The following RAB2A variants were observed in gnomAD, a reference collection of about 807,000 sequenced individuals.
RAB2A encodes ras-related protein Rab-2A.
A neutral mutation model predicts 32.5 loss-of-function variants in RAB2A; 7 were observed. That is an observed-to-expected ratio of 0.22 (90% CI 0.12 to 0.40). The LOEUF is 0.40. Among genes scored for constraint, RAB2A ranks in the 10% least tolerant of loss-of-function variants. The pLI is 1.00. For synonymous variants in RAB2A, 79 were observed against 85.2 expected (o/e 0.93, Z 0.40); for missense variants, 108 against 260.7 (o/e 0.41, Z 4.03).
chr8:60,529,276 G>T (rs1405036729), intron 1 of RAB2A, among the ~76,000 whole-genome samples: 1 of 152,152 alleles, frequency 6.6e-6, no homozygotes, highest in Non-Finnish European at 1.5e-5. Flanking sequence ...TCTTGTGTGT[G>T]TAGTGAGTTC....
At chr8:60,597,360 G>T (rs191902659) in intron 6 of RAB2A, among the ~76,000 whole-genome samples, 1 of 152,042 alleles carries the variant, frequency 6.6e-6, no homozygotes. Flanking sequence ...ACCAAACACC[G>T]CATGTTCTCA....
chr8:60,605,832 C>CATATATATAT (rs1328541490), intron 6 of RAB2A, among the ~76,000 whole-genome samples: 1,462 of 120,760 alleles, frequency 0.012, 134 homozygotes, highest in African/African-American at 0.046. Context: ...GGGACTAATA[C>CATATATATAT]ATATATACAT....
intron 1 of RAB2A, among the ~76,000 whole-genome samples, chr8:60,530,810 C>G (rs2130810240): frequency 9.4e-6 from 1 of 106,484 alleles, no homozygotes; most frequent in Admixed American, 9.4e-5. Flanking sequence ...GCCCACTTGT[C>G]ATGGGCTTTT....
At chr8:60,561,944 C>T (rs1563470562) in intron 2 of RAB2A, among the ~76,000 whole-genome samples, 1 of 152,192 alleles carries the variant, frequency 6.6e-6, no homozygotes, top group Non-Finnish European at 1.5e-5. Flanking sequence ...GACTCCTGAG[C>T]TCATGATTCT....
At chr8:60,517,329 G>T in intron 1 of RAB2A, 76 bp downstream of exon 1, 1 of 1,321,616 alleles carries the variant, frequency 7.6e-7, no homozygotes, top group Non-Finnish European at 9.9e-7. Context: ...GCGTCTGGCG[G>T]TGGCGGGGAC....
intron 1 of RAB2A, among the ~76,000 whole-genome samples, chr8:60,556,641 TAAAAAA>T (rs11393857): frequency 0.016 from 1,712 of 106,612 alleles, 29 homozygotes; most frequent in African/African-American, 0.052. Flanking sequence ...CTCTTTTTAA[TAAAAAA>T]AAAAAAAAAA....
intron 1 of RAB2A, among the ~76,000 whole-genome samples, chr8:60,541,040 C>T (rs1807636560): frequency 6.6e-6 from 1 of 152,102 alleles, no homozygotes; most frequent in African/African-American, 2.4e-5. Context: ...ACTACCTTAG[C>T]CAGGTTATGA....
chr8:60,541,503 A>G (rs891032744), intron 1 of RAB2A, among the ~76,000 whole-genome samples: 7 of 152,206 alleles, frequency 4.6e-5, no homozygotes, highest in Non-Finnish European at 1.5e-5. Context: ...AGCCTGGCCA[A>G]CATGATGAAA....
intron 6 of RAB2A, among the ~76,000 whole-genome samples, chr8:60,603,577 G>T (rs561570804): frequency 2.0e-5 from 3 of 152,126 alleles, no homozygotes; most frequent in Non-Finnish European, 4.4e-5. Context: ...GAATTATCTC[G>T]TCCAAAATGT....
chr8:60,524,273 C>T (rs1807345667), intron 1 of RAB2A, among the ~76,000 whole-genome samples: 1 of 152,150 alleles, frequency 6.6e-6, no homozygotes, highest in Non-Finnish European at 1.5e-5. Flanking sequence ...TTCAGCTCTC[C>T]TCCTCTTGCA....
chr8:60,593,359 C>T (rs986336726), intron 6 of RAB2A, among the ~76,000 whole-genome samples: 4 of 152,068 alleles, frequency 2.6e-5, no homozygotes, highest in South Asian at 2.1e-4. Context: ...GCCACATACC[C>T]GAGACTGGGT....
At chr8:60,518,352 A>G (rs1224423030) in intron 1 of RAB2A, among the ~76,000 whole-genome samples, 1 of 152,092 alleles carries the variant, frequency 6.6e-6, no homozygotes, top group African/African-American at 2.4e-5. Context: ...GGCAGGTTCT[A>G]TAAGTAACTA....
intron 2 of RAB2A, chr8:60,570,147 C>T (rs947380234): frequency 1.2e-5 from 5 of 421,496 alleles, no homozygotes; most frequent in Admixed American, 2.6e-5. Flanking sequence ...CCTTCCTTAC[C>T]TGCTCACCCT....
intron 1 of RAB2A, among the ~76,000 whole-genome samples, chr8:60,550,947 T>C (rs1807836783): frequency 6.6e-6 from 1 of 152,168 alleles, no homozygotes; most frequent in South Asian, 2.1e-4. Flanking sequence ...TTCTCTAAAA[T>C]GTGCCACCTT....
At chr8:60,567,037 T>C (rs1419113940) in intron 2 of RAB2A, among the ~76,000 whole-genome samples, 1 of 152,190 alleles carries the variant, frequency 6.6e-6, no homozygotes, top group Non-Finnish European at 1.5e-5. Context: ...CTAATACCTT[T>C]GTAATATGTT....
chr8:60,540,782 C>T (rs764984113), intron 1 of RAB2A, among the ~76,000 whole-genome samples: 25 of 152,078 alleles, frequency 1.6e-4, no homozygotes, highest in Non-Finnish European at 3.2e-4. Context: ...GTGCCCAGCC[C>T]ATTTTTTTTA....
intron 3 of RAB2A, chr8:60,576,291 G>A: frequency 2.2e-6 from 1 of 456,284 alleles, no homozygotes; most frequent in Non-Finnish European, 4.4e-6. Context: ...GCAGAAAAAA[G>A]GCAGAGGTAT....
chr8:60,554,659 G>C (rs1306341535), intron 1 of RAB2A, among the ~76,000 whole-genome samples: 1 of 152,152 alleles, frequency 6.6e-6, no homozygotes, highest in Non-Finnish European at 1.5e-5. Flanking sequence ...TTGAGGACCA[G>C]CCTGGCAACA....
At chr8:60,526,290 A>G (rs961822970) in intron 1 of RAB2A, among the ~76,000 whole-genome samples, 2 of 151,968 alleles carry the variant, frequency 1.3e-5, no homozygotes, top group Non-Finnish European at 2.9e-5. Flanking sequence ...CCTGGCTATC[A>G]TCTGAGAGCT....
Sources: gnomAD v4.1 joint callset for allele counts (sites outside exome capture counted in the v4.1 genomes callset) on GRCh38, gnomAD v4.1.1 for gene constraint, MANE v1.5 for transcripts, NCBI Gene and HGNC (gene_info 2026-07-23, HGNC 2026-07-21) for gene names.